LEPROT: variants seen among roughly 807,000 people sequenced by gnomAD.
LEPROT encodes the protein leptin receptor gene-related protein.
In LEPROT, 3 loss-of-function variants were observed where a neutral mutation model predicts 15.4. That is an observed-to-expected ratio of 0.19 (90% CI 0.09 to 0.50). The LOEUF (loss-of-function observed/expected upper bound fraction) is 0.50. Among genes scored for constraint, LEPROT ranks in the 20% least tolerant of loss-of-function variants. The probability of loss-of-function intolerance (pLI) is 0.97; values close to 1 mark genes in which losing one functional copy is unlikely to be tolerated. For missense variants in LEPROT, 137 were observed against 162.2 expected (o/e 0.84, Z 0.84); for synonymous variants, 59 against 57.5 (o/e 1.03, Z -0.12).
At chr1:65,430,260 G>T in intron 3 of LEPROT, 1 of 393,218 alleles carries the variant, frequency 2.5e-6, no homozygotes, top group South Asian at 1.1e-4. Flanking sequence ...CTTTTAGCCA[G>T]ACGATATGAT....
At chr1:65,426,252 G>A (rs1182392905) in intron 2 of LEPROT, among the ~76,000 whole-genome samples, 1 of 134,164 alleles carries the variant, frequency 7.5e-6, no homozygotes, top group Non-Finnish European at 1.5e-5. Flanking sequence ...AGTGTATATA[G>A]CCTTTTCAGG....
intron 2 of LEPROT, among the ~76,000 whole-genome samples, chr1:65,427,044 T>G (rs1646390602): frequency 1.3e-5 from 2 of 151,120 alleles, no homozygotes; most frequent in African/African-American, 4.9e-5. Flanking sequence ...CCTATTGAAG[T>G]GAGTTATTAT....
rs911281066 is a variant in LEPROT at position 65,435,220 on chromosome 1, C to T, written c.*3301C>T. 1 of 985,370 alleles carries T rather than the reference C, an allele frequency of 1.0e-6. No homozygotes were observed. The highest frequency in any genetic ancestry group is 1.2e-6 in the Non-Finnish European group (1 of 829,922). The allele number at this position is 985,370 out of a possible 1,614,324, so 61.0% of individuals were successfully genotyped here. A position where few individuals can be genotyped will look rare whatever the true frequency, so the allele number is the denominator to read the frequency against. ...TCCACTTAAGAACTCATAGATTTTT[C>T]TTACTGTCCTAAGGAAGTCCTTACC... On this transcript the variant is annotated 3_prime_UTR_variant, in exon 4 of 4. Transcript: ENST00000371065.
rs145178680 is a variant in LEPROT at position 65,434,247 on chromosome 1, A to G, written c.*2328A>G. The stretch of plus-strand genomic sequence containing the variant: ...GTAAATATTAATAGGAAATATTGCT[A>G]TATCTGAATATATAATACAAAAGTT... On this transcript the variant is annotated 3_prime_UTR_variant, in exon 4 of 4. Coordinates refer to ENST00000371065, the MANE Select transcript of LEPROT (RefSeq NM_017526.5). The G allele has an allele frequency of 1.3e-4, 126 of 978,470 alleles. No homozygotes were observed. In the African/African-American group the frequency reaches 1.7e-3, roughly 13 times the overall value. The allele number at this position is 978,470 out of a possible 1,614,324, so 60.6% of individuals were successfully genotyped here.
chr1:65,435,753 CA>C lies in LEPROT; in HGVS notation c.*3835del. ...TATGAGGATGCTAGCATTTTCCAAG[CA>C]TAGTAATTAGTTCACAACTGAGAAA... On this transcript the variant is annotated 3_prime_UTR_variant, in exon 4 of 4. Coordinates refer to ENST00000371065, the MANE Select transcript of LEPROT (RefSeq NM_017526.5). The C allele has an allele frequency of 1.0e-6, 1 of 984,162 alleles. No individual in the cohort carries two copies. Among genetic ancestry groups the C allele is most frequent in the Non-Finnish European group, 1.2e-6 (1 of 828,806 alleles). 61.0% of individuals were successfully genotyped at this position (984,162 alleles called of 1,614,324 possible). A position where few individuals can be genotyped will look rare whatever the true frequency, so the allele number is the denominator to read the frequency against.
At chr1:65,427,890 CT>C in intron 2 of LEPROT, 1 of 230,470 alleles carries the variant, frequency 4.3e-6, no homozygotes, top group Non-Finnish European at 9.1e-6. Context: ...ATCCTCCTGC[CT>C]TGGCCTCCCA....
In LEPROT at chr1:65,433,298, T is replaced by C. The variant is rs1179415069; in HGVS notation, c.*1379T>C. On this transcript the variant is annotated 3_prime_UTR_variant, in exon 4 of 4. Coordinates refer to ENST00000371065, the MANE Select transcript of LEPROT (RefSeq NM_017526.5). ...TGCTTAATTTCACTACGTGTTGATG[T>C]ACTTGTCTTCCGTCCTGTAGGTCTT... The C allele has an allele frequency of 1.0e-6, 1 of 985,318 alleles. No homozygotes were observed. Among genetic ancestry groups the C allele is most frequent in the Non-Finnish European group, 1.2e-6 (1 of 829,932 alleles). 61.0% of individuals were successfully genotyped at this position (985,318 alleles called of 1,614,324 possible). A position where few individuals can be genotyped will look rare whatever the true frequency, so the allele number is the denominator to read the frequency against.
chr1:65,433,841 G>C lies in LEPROT; in HGVS notation c.*1922G>C, dbSNP rs929609487. 1.8e-5 allele frequency: 18 copies of C among 984,862 alleles called. No homozygotes were observed. The African/African-American group carries it at 3.0e-4, about 16-fold the overall frequency. 61.0% of individuals were successfully genotyped at this position (984,862 alleles called of 1,614,324 possible). On this transcript the variant is annotated 3_prime_UTR_variant, in exon 4 of 4. Transcript: ENST00000371065. Reference sequence around the variant, plus strand: ...TAAAATTTTTTTGTGATGTTGCCTTGCCTGAAAAGATAACAAAAATGAGAG... The same window carrying C: ...TAAAATTTTTTTGTGATGTTGCCTTCCCTGAAAAGATAACAAAAATGAGAG...
chr1:65,432,079 G>A lies in LEPROT; in HGVS notation c.*160G>A, dbSNP rs1174204178. ...GAAAGACTTCATAAGTAGGAGATGAGTTTTATTCTCAGCAAATAGACCTGT... is the reference window on the plus strand; with the variant it reads ...GAAAGACTTCATAAGTAGGAGATGAATTTTATTCTCAGCAAATAGACCTGT... On this transcript the variant is annotated 3_prime_UTR_variant, in exon 4 of 4. Coordinates refer to ENST00000371065, the MANE Select transcript of LEPROT (RefSeq NM_017526.5). 1.5e-6 allele frequency: 2 copies of A among 1,336,858 alleles called. No individual in the cohort carries two copies. Among genetic ancestry groups the A allele is most frequent in the South Asian group, 2.0e-5 (1 of 50,734 alleles). The allele number at this position is 1,336,858 out of a possible 1,614,324, so 82.8% of individuals were successfully genotyped here. A position where few individuals can be genotyped will look rare whatever the true frequency, so the allele number is the denominator to read the frequency against.
At chr1:65,427,934 A>G (rs965302393) in intron 2 of LEPROT, 7 of 176,506 alleles carry the variant, frequency 4.0e-5, no homozygotes, top group African/African-American at 1.7e-4. Context: ...CAGGATTATC[A>G]TCTATATTGG....
Position 65,430,044 on chromosome 1 carries a change from C to T in LEPROT, c.275C>T (p.Ala92Val), listed in dbSNP as rs1401867533. Residue 92 changes from alanine to valine, a missense_variant, in exon 3 of 4, where the codon GCT (alanine) becomes GTT (valine). By Grantham distance (64) the Ala-to-Val change is moderately conservative. Transcript: ENST00000371065. ...TTTCCTGTTATTCTTGCTCGTGTGG[C>T]TGTGGTAAGTTTTATTTTCTATTGT... The part of the protein sequence containing the change: ...FGFPVILARV[A>V]VIKWGACGLV... The T allele has an allele frequency of 6.4e-7, 1 of 1,556,280 alleles. No individual in the cohort carries two copies. The highest frequency in any genetic ancestry group is 1.4e-5 in the African/African-American group (1 of 73,990).
At chr1:65,425,190 A>G in intron 1 of LEPROT, 113 bp from the exon 2 acceptor site, 1 of 813,208 alleles carries the variant, frequency 1.2e-6, no homozygotes, top group Non-Finnish European at 2.0e-6. Context: ...AAATTTACTC[A>G]TCCGCCAAAG....
intron 2 of LEPROT, among the ~76,000 whole-genome samples, chr1:65,425,698 G>C (rs1424894466): frequency 6.6e-6 from 1 of 152,248 alleles, no homozygotes. Flanking sequence ...GGTCTAGTCA[G>C]TAATCTGGCA....
chr1:65,426,048 A>G (rs76018206), intron 2 of LEPROT, among the ~76,000 whole-genome samples: 1,800 of 152,260 alleles, frequency 0.012, 23 homozygotes, highest in African/African-American at 0.041. Flanking sequence ...AAGTATGCAT[A>G]CTGTCAGAGG....
chr1:65,421,725 AGT>A (rs1356266506), intron 1 of LEPROT, among the ~76,000 whole-genome samples: 3 of 152,178 alleles, frequency 2.0e-5, no homozygotes, highest in Non-Finnish European at 4.4e-5. Context: ...TTACTTGGAG[AGT>A]GTCGACTGTG....
rs112121590 is a variant in LEPROT at position 65,421,433 on chromosome 1, G to A, written c.16+693G>A. 6.4e-5 allele frequency: 99 copies of A among 1,536,032 alleles called. 1 individual carries two copies. The African/African-American group carries it at 1.0e-3, about 16-fold the overall frequency. On this transcript the variant is annotated intron_variant, in intron 1 of 3. Coordinates refer to ENST00000371065, the MANE Select transcript of LEPROT (RefSeq NM_017526.5). ...TTCAGAGCAATGCGAGACGGAAAAG[G>A]TTTTTTGCAAGGCTTCCTGTATTTT... is the stretch of plus-strand genomic sequence containing the variant.
chr1:65,421,195 A>G (rs1475394571), intron 1 of LEPROT: 14 of 886,140 alleles, frequency 1.6e-5, no homozygotes, highest in Non-Finnish European at 2.0e-5. Flanking sequence ...GATTTTTCCA[A>G]CTGGGCAGAG....
At chr1:65,421,596 TA>T in intron 1 of LEPROT, 1 of 971,500 alleles carries the variant, frequency 1.0e-6, no homozygotes, top group Non-Finnish European at 1.5e-6. Context: ...AGATAGTATA[TA>T]TACGAGTACG....
rs180970909 is a variant in LEPROT, at chr1:65,423,586, A to G, written c.17-1717A>G. Among the ~76,000 whole-genome samples the G allele has an allele frequency of 1.1e-3, 174 of 152,294 alleles. 2 individuals are homozygous for G. The highest frequency in any genetic ancestry group is 4.0e-3 in the African/African-American group (166 of 41,568). On this transcript the variant is annotated intron_variant, in intron 1 of 3. Coordinates refer to ENST00000371065, the MANE Select transcript of LEPROT (RefSeq NM_017526.5). The stretch of plus-strand genomic sequence containing the variant: ...AGTATGTGGTATTTGCTTTCCATCC[A>G]CACATGGGCATTTTCCATTAAAGAG...
Sources: gnomAD v4.1 joint callset for allele counts (sites outside exome capture counted in the v4.1 genomes callset) on GRCh38, gnomAD v4.1.1 for gene constraint, MANE v1.5 for transcripts, NCBI Gene and HGNC (gene_info 2026-07-23, HGNC 2026-07-21) for gene names.